Variants in TTLL4 observed in about 807,000 individuals in gnomAD.
The protein encoded by TTLL4 is tubulin monoglutamylase TTLL4.
In TTLL4, 85 loss-of-function variants were observed where a neutral mutation model predicts 122.7. The ratio of observed to expected loss-of-function variants is 0.69; its 90% CI spans 0.58 to 0.83. The LOEUF (loss-of-function observed/expected upper bound fraction) is 0.83. Ranked by LOEUF, TTLL4 falls within the 40% of genes least tolerant of loss-of-function variation. The pLI is 0.00. For missense variants in TTLL4, 1,363 were observed against 1,488.6 expected, an observed-to-expected ratio of 0.92 and a Z score of 1.39; for synonymous variants, 553 against 563.0, an observed-to-expected ratio of 0.98 and a Z score of 0.25.
intron 1 of TTLL4, among the ~76,000 whole-genome samples, chr2:218,714,040 C>T (rs1004577614): frequency 6.6e-6 from 1 of 152,116 alleles, no homozygotes; most frequent in African/African-American, 2.4e-5. Context: ...GTCTGGAGCT[C>T]ACAAGAGAGG....
chr2:218,750,618 C>T (rs77448388), intron 15 of TTLL4, among the ~76,000 whole-genome samples: 1,818 of 152,290 alleles, frequency 0.012, 37 homozygotes, highest in African/African-American at 0.041. Flanking sequence ...TCTTCTTCCT[C>T]TCCTGGCTCC....
At chr2:218,743,775 G>C (rs1448262026) in intron 5 of TTLL4, among the ~76,000 whole-genome samples, 1 of 152,170 alleles carries the variant, frequency 6.6e-6, no homozygotes, top group Non-Finnish European at 1.5e-5. Flanking sequence ...TGCCTCCTGG[G>C]TTCAAGCAAT....
chr2:218,753,294 G>T (rs550626847), intron 18 of TTLL4, 109 bp downstream of exon 18: 1 of 1,151,742 alleles, frequency 8.7e-7, no homozygotes, highest in South Asian at 1.2e-5. Context: ...TCACTTCTCC[G>T]CTAGGCTCTG....
At chr2:218,757,536 G>T (rs184622686), downstream of TTLL4, among the ~76,000 whole-genome samples, 2 of 152,354 alleles carry the variant, frequency 1.3e-5, no homozygotes, top group East Asian at 3.9e-4. Flanking sequence ...CTGGAAAGGG[G>T]AGAAGCAGGG....
chr2:218,737,241 A>G (rs1024188852), intron 2 of TTLL4, among the ~76,000 whole-genome samples: 2 of 152,010 alleles, frequency 1.3e-5, no homozygotes, highest in African/African-American at 4.8e-5. Context: ...CCTCATGGAA[A>G]GTTGTGGGCG....
At chr2:218,743,789 CCT>C (rs1942767973) in intron 5 of TTLL4, among the ~76,000 whole-genome samples, 1 of 152,272 alleles carries the variant, frequency 6.6e-6, no homozygotes, top group Admixed American at 6.5e-5. Flanking sequence ...AAGCAATTCT[CCT>C]GACTCAGCCT....
At position 218,745,089 on chromosome 2, in the gene TTLL4, A is replaced by G; in HGVS notation, c.1662-20A>G. On this transcript the variant is annotated intron_variant, in intron 5 of 19. Coordinates refer to ENST00000392102, the MANE Select transcript of TTLL4 (RefSeq NM_014640.5). The stretch of plus-strand genomic sequence containing the variant: ...GTTGCTTTTTCCCTTTCTCTACTCC[A>G]TGTTTGTTTTTCGTCTTAGAAGCTG... 3.7e-6 allele frequency: 6 copies of G among 1,613,302 alleles called. No individual in the cohort carries two copies. The highest frequency in any genetic ancestry group is 5.1e-6 in the Non-Finnish European group (6 of 1,179,482).
At chr2:218,749,218 A>T (rs1559373676) in intron 13 of TTLL4, 35 bp from the exon 14 acceptor site, 1 of 1,612,362 alleles carries the variant, frequency 6.2e-7, no homozygotes. Context: ...CTCTGGGAGG[A>T]GCTGAACTGA....
At chr2:218,740,487 C>G (rs1472547768) in intron 4 of TTLL4, 34 bp from the exon 5 acceptor site, 6 of 1,611,264 alleles carry the variant, frequency 3.7e-6, no homozygotes, top group Non-Finnish European at 5.1e-6. Flanking sequence ...GCAGCCTCTT[C>G]TAGTCAGAAT....
At chr2:218,729,640 C>T (rs1942299846) in intron 2 of TTLL4, among the ~76,000 whole-genome samples, 1 of 150,020 alleles carries the variant, frequency 6.7e-6, no homozygotes, top group Admixed American at 6.7e-5. Context: ...CTAAAACTAA[C>T]TTTCGTGTAT....
At chr2:218,729,767 A>AAAAAAC (rs1942311748) in intron 2 of TTLL4, among the ~76,000 whole-genome samples, 1 of 90,300 alleles carries the variant, frequency 1.1e-5, no homozygotes, top group Non-Finnish European at 2.7e-5. Flanking sequence ...AAAAAACAAA[A>AAAAAAC]AAAAAAAAAA....
chr2:218,737,122 CTT>C (rs757780551), intron 2 of TTLL4, among the ~76,000 whole-genome samples: 1 of 152,136 alleles, frequency 6.6e-6, no homozygotes, highest in Admixed American at 6.6e-5. Context: ...CTCAAATAAT[CTT>C]TAATCTTTCA....
At chr2:218,746,044 A>G in intron 7 of TTLL4, 111 bp from the exon 8 acceptor site, 1 of 1,296,430 alleles carries the variant, frequency 7.7e-7, no homozygotes, top group Admixed American at 1.7e-5. Flanking sequence ...CTCCATAGCA[A>G]CTCTTTGAAA....
In TTLL4 at chr2:218,747,185, T is replaced by C. The variant is rs764524230; in HGVS notation, c.2157T>C (p.Ile719=). Residue 719 remains isoleucine (I), a synonymous_variant, in exon 9 of 20, where the codon ATT becomes ATC. Coordinates refer to ENST00000392102, the MANE Select transcript of TTLL4 (RefSeq NM_014640.5). This position sits in a 1 kb window ranked among gnomAD's most constrained non-coding sequence, Gnocchi z 4.7. ...AGAGCAGCAGCCGCCAAAAGTGGAT[T>C]GTGAAGCCAGTGAGTGAATCACAGT... ...AWESSSRQKW[I]VKPPASARGI... 1.2e-6 allele frequency: 2 copies of C among 1,614,060 alleles called. No homozygotes were observed. Among genetic ancestry groups the C allele is most frequent in the Admixed American group, 3.3e-5 (2 of 60,000 alleles).
rs1223967313 is a variant in TTLL4 at position 218,738,340 on chromosome 2, T to C, written c.664T>C (p.Phe222Leu). The C allele has an allele frequency of 6.2e-7, 1 of 1,614,150 alleles. No individual in the cohort carries two copies. Among genetic ancestry groups the C allele is most frequent in the South Asian group, 1.1e-5 (1 of 91,086 alleles). Residue 222 changes from phenylalanine (F) to leucine (L), a missense_variant, in exon 3 of 20, where the codon TTC (phenylalanine) becomes CTC (leucine). Phe to Leu is a conservative substitution (Grantham distance 22). Around this residue, in one of 3 missense-constraint regions of TTLL4, gnomAD observed 760 missense variants for 808.4 expected, o/e 0.94. Coordinates refer to ENST00000392102, the MANE Select transcript of TTLL4 (RefSeq NM_014640.5). ...TAAGCCCATGCTGAATAATAATTCC[T>C]TCATGTGGCCAAATAGCACGCCAGT... is the stretch of plus-strand genomic sequence containing the variant. ...SYKPMLNNNS[F>L]MWPNSTPVPL... is the part of the protein sequence containing the mutation.
At chr2:218,745,912 C>A in intron 7 of TTLL4, 111 bp downstream of exon 7, 1 of 1,017,992 alleles carries the variant, frequency 9.8e-7, no homozygotes, top group Non-Finnish European at 1.5e-6. Flanking sequence ...CTGGGGCCCT[C>A]TCCTGAAATC....
At chr2:218,716,567 A>T (rs1941864548) in intron 1 of TTLL4, among the ~76,000 whole-genome samples, 1 of 152,248 alleles carries the variant, frequency 6.6e-6, no homozygotes, top group Non-Finnish European at 1.5e-5. Context: ...AGGCGGGCAG[A>T]TCACAAGGTC....
Position 218,737,829 on chromosome 2 carries a change from A to T in TTLL4, c.153A>T (p.Pro51=), listed in dbSNP as rs745376125. 8 of 1,614,124 alleles carry T rather than the reference A, an allele frequency of 5.0e-6. No homozygotes were observed. The highest frequency in any genetic ancestry group is 5.9e-6 in the Non-Finnish European group (7 of 1,180,056). ...VWPQAHQQVK[P]IWKLEKKQVE... ...CTCAGGCCCATCAGCAAGTGAAGCC[A>T]ATCTGGAAGCTGGAAAAGAAGCAAG... Residue 51 remains proline (P), a synonymous_variant, in exon 3 of 20, where the codon CCA becomes CCT. Transcript: ENST00000392102.
chr2:218,730,311 C>CAAA (rs548186206), intron 2 of TTLL4, among the ~76,000 whole-genome samples: 342 of 14,276 alleles, frequency 0.024, 35 homozygotes, highest in African/African-American at 0.074. Context: ...ACTAAAAATC[C>CAAA]AAAAAAAAAA....
Sources: gnomAD v4.1 joint callset for allele counts (sites outside exome capture counted in the v4.1 genomes callset) on GRCh38, gnomAD v4.1.1 for gene constraint, gnomAD v4.1.1 regional missense constraint, Gnocchi (gnomAD v3.1) non-coding constraint, MANE v1.5 for transcripts, NCBI Gene and HGNC (gene_info 2026-07-23, HGNC 2026-07-21) for gene names.